Variants in TARS1 observed in about 807,000 individuals in gnomAD.
TARS1 encodes threonyl-tRNA synthetase 1.
TARS1 carries 57 observed loss-of-function variants against 97.7 expected under a neutral mutation model. That is an observed-to-expected ratio of 0.58 (90% CI 0.47 to 0.73). The LOEUF (loss-of-function observed/expected upper bound fraction) is 0.73, where lower values mean the gene tolerates loss of function less well. TARS1 is among the 30% of genes least tolerant of loss of function. The pLI is 0.00. For synonymous variants in TARS1, 312 were observed against 293.7 expected, an observed-to-expected ratio of 1.06 and a Z score of -0.64; for missense variants, 806 against 888.3, an observed-to-expected ratio of 0.91 and a Z score of 1.18.
chr5:33,466,922 C>G lies in TARS1; in HGVS notation c.1960C>G (p.Pro654Ala), dbSNP rs1203990658. Reference protein sequence around the residue: ...AKFMADIDLDPGCTLNKKIRN... With the variant: ...AKFMADIDLDAGCTLNKKIRN... ...ATTCATGGCAGACATTGATCTGGAT[C>G]CAGGCTGTACATTGAATAAAAAGAT... Residue 654 changes from proline to alanine, a missense_variant, in exon 18 of 19, where the codon CCA (proline) becomes GCA (alanine). Coordinates refer to ENST00000265112, the MANE Select transcript of TARS1 (RefSeq NM_152295.5). 2.5e-6 allele frequency: 4 copies of G among 1,605,710 alleles called. No individual in the cohort carries two copies. Among genetic ancestry groups the G allele is most frequent in the Non-Finnish European group, 3.4e-6 (4 of 1,176,378 alleles).
Position 33,453,360 on chromosome 5 carries a change from A to G in TARS1, c.401A>G (p.Glu134Gly). 6.2e-7 allele frequency: 1 copy of G among 1,612,828 alleles called. No individual in the cohort carries two copies. Among genetic ancestry groups the G allele is most frequent in the South Asian group, 1.1e-5 (1 of 90,996 alleles). ...NVVWDLDRPL[E>G]EDCTLELLKF... The stretch of plus-strand genomic sequence containing the variant: ...GTGTGGGACCTGGACCGCCCTCTGG[A>G]AGAAGATTGTACCTTGGAGCTTCTC... The change falls in exon 4 of 19, where the codon GAA becomes GGA. Residue 134 changes from glutamate to glycine, a missense_variant. Glu to Gly is a moderately conservative substitution (Grantham distance 98, BLOSUM62 -2). This residue lies in a region of TARS1 where 356 missense variants were observed against 357.8 expected (regional missense o/e 0.99). Transcript: ENST00000265112.
At chr5:33,461,808 GAA>G (rs1742306576) in intron 14 of TARS1, 64 bp downstream of exon 14, 3 of 1,593,614 alleles carry the variant, frequency 1.9e-6, no homozygotes, top group Non-Finnish European at 2.6e-6. Flanking sequence ...ATACGACTTC[GAA>G]AAAAGTTGGA....
rs375896160 is a variant in TARS1, at chr5:33,466,896, A to G, written c.1934A>G (p.Lys645Arg). 11 of 1,600,862 alleles carry G rather than the reference A, an allele frequency of 6.9e-6. No individual in the cohort carries two copies. The Admixed American group carries it at 6.9e-5, about 10-fold the overall frequency. The change falls in exon 18 of 19, where the codon AAA (lysine) becomes AGA (arginine). Residue 645 changes from lysine to arginine, a missense_variant. Coordinates refer to ENST00000265112, the MANE Select transcript of TARS1 (RefSeq NM_152295.5). ...GTACGACAACAATTCCACGATGCCA[A>G]ATTCATGGCAGACATTGATCTGGAT... ...QKVRQQFHDA[K>R]FMADIDLDPG...
intron 9 of TARS1, among the ~76,000 whole-genome samples, chr5:33,458,141 A>T (rs1381824217): frequency 6.6e-6 from 1 of 152,186 alleles, no homozygotes; most frequent in Non-Finnish European, 1.5e-5. Flanking sequence ...CATCTATTTC[A>T]TTATCAGTGT....
chr5:33,450,182 A>T (rs1741661695), intron 3 of TARS1, among the ~76,000 whole-genome samples: 1 of 152,084 alleles, frequency 6.6e-6, no homozygotes, highest in Non-Finnish European at 1.5e-5. Context: ...TAATTCCCTT[A>T]TTGTGTTATT....
In TARS1 at chr5:33,459,779, C is replaced by CAGCA; in HGVS notation, c.1169_1172dup (p.His391GlnfsTer11). 6.2e-7 allele frequency: 1 copy of CAGCA among 1,614,176 alleles called. No individual in the cohort carries two copies. The highest frequency in any genetic ancestry group is 8.5e-7 in the Non-Finnish European group (1 of 1,180,020). On this transcript the variant is annotated frameshift_variant, in exon 11 of 19. Transcript: ENST00000265112. LOFTEE classifies it high-confidence loss of function. ...ACTCTGGATGACCTCGGGCCACTGG[C>CAGCA]AGCACTACAGCGAGAACATGTTCTC...
chr5:33,453,173 T>C (rs1217504759), intron 3 of TARS1, 116 bp from the exon 4 acceptor site: 1 of 1,209,580 alleles, frequency 8.3e-7, no homozygotes, highest in Non-Finnish European at 1.1e-6. Flanking sequence ...AAAATAGAGA[T>C]ACATCAATAT....
intron 1 of TARS1, among the ~76,000 whole-genome samples, chr5:33,445,105 CGTTA>C (rs1483221740): frequency 2.0e-5 from 3 of 152,134 alleles, no homozygotes; most frequent in Non-Finnish European, 4.4e-5. Context: ...AGTTAAACAT[CGTTA>C]GTAACTCCTT....
At chr5:33,453,113 G>T (rs574261384) in intron 3 of TARS1, among the ~76,000 whole-genome samples, 176 bp from the exon 4 acceptor site, 2 of 151,930 alleles carry the variant, frequency 1.3e-5, no homozygotes, top group African/African-American at 4.8e-5. Flanking sequence ...TTCCAGTTAG[G>T]TTCTTAGGTA....
chr5:33,454,655 T>C (rs1222579115), intron 4 of TARS1, among the ~76,000 whole-genome samples: 1 of 152,244 alleles, frequency 6.6e-6, no homozygotes, highest in Non-Finnish European at 1.5e-5. Flanking sequence ...GCAGTTGTTT[T>C]CAGAGAACAA....
chr5:33,448,410 C>A, intron 2 of TARS1, 131 bp from the exon 3 acceptor site: 2 of 678,396 alleles, frequency 2.9e-6, no homozygotes, highest in Non-Finnish European at 2.2e-6. Flanking sequence ...GTGATTTTGG[C>A]AGTGTTTATT....
Position 33,467,648 on chromosome 5 carries a change from T to G in TARS1, c.2112T>G (p.Thr704=). 6.2e-7 allele frequency: 1 copy of G among 1,614,022 alleles called. No individual in the cohort carries two copies. The change falls in exon 19 of 19, where the codon ACT becomes ACG. Residue 704 remains threonine, a synonymous_variant. Transcript: ENST00000265112. ...KVHGERTISE[T]IERLQQLKEF... ...ACGGGGAACGCACCATTTCTGAAACTATCGAGCGGCTACAGCAGCTCAAAG... is the reference window on the plus strand; with the variant it reads ...ACGGGGAACGCACCATTTCTGAAACGATCGAGCGGCTACAGCAGCTCAAAG...
intron 4 of TARS1, 113 bp downstream of exon 4, chr5:33,453,525 T>A (rs1741858118): frequency 7.5e-7 from 1 of 1,338,938 alleles, no homozygotes. Flanking sequence ...TGTCTCACTG[T>A]CATATTTGAA....
chr5:33,455,685 C>G lies in TARS1; in HGVS notation c.674C>G (p.Thr225Ser). ...AFERLEVKKE[T>S]LLAMFKYNKF... ...GAAAGACTGGAAGTTAAGAAAGAAA[C>G]TTTACTGGCAATGTTTAAGGTAAAT... Residue 225 changes from threonine to serine, a missense_variant, in exon 6 of 19, where the codon ACT (threonine) becomes AGT (serine). Physicochemically the swap from Thr to Ser is moderately conservative, Grantham distance 58. Around this residue, in one of 3 missense-constraint regions of TARS1, gnomAD observed 356 missense variants for 357.8 expected, o/e 0.99. Transcript: ENST00000265112. 1 of 1,606,462 alleles carries G rather than the reference C, an allele frequency of 6.2e-7. No homozygotes were observed. The highest frequency in any genetic ancestry group is 8.5e-7 in the Non-Finnish European group (1 of 1,173,630).
At chr5:33,445,118 T>C (rs549238690) in intron 1 of TARS1, among the ~76,000 whole-genome samples, 3 of 152,260 alleles carry the variant, frequency 2.0e-5, no homozygotes, top group Non-Finnish European at 4.4e-5. Flanking sequence ...TAGTAACTCC[T>C]TCCTACTTTT....
At chr5:33,445,106 G>A (rs1009278602) in intron 1 of TARS1, among the ~76,000 whole-genome samples, 1 of 152,132 alleles carries the variant, frequency 6.6e-6, no homozygotes, top group African/African-American at 2.4e-5. Flanking sequence ...GTTAAACATC[G>A]TTAGTAACTC....
intron 3 of TARS1, chr5:33,452,352 C>A: frequency 6.5e-7 from 1 of 1,535,470 alleles, no homozygotes; most frequent in Non-Finnish European, 8.7e-7. Flanking sequence ...CACACAGCTT[C>A]CTGCAAAAAC....
At chr5:33,460,379 G>A (rs1037851714) in intron 11 of TARS1, among the ~76,000 whole-genome samples, 1 of 152,246 alleles carries the variant, frequency 6.6e-6, no homozygotes, top group Non-Finnish European at 1.5e-5. Flanking sequence ...AAATTACCTA[G>A]TGTGTTGTTG....
intron 2 of TARS1, among the ~76,000 whole-genome samples, chr5:33,446,998 T>C (rs1741450770): frequency 6.6e-6 from 1 of 152,044 alleles, no homozygotes; most frequent in Non-Finnish European, 1.5e-5. Context: ...ACAAAGATAT[T>C]AGGGCCTGAT....
Sources: allele counts gnomAD v4.1 joint callset (sites outside exome capture counted in the v4.1 genomes callset), GRCh38; gene constraint gnomAD v4.1.1; regional missense constraint gnomAD v4.1.1; transcripts MANE v1.5; gene names NCBI Gene and HGNC (gene_info 2026-07-23, HGNC 2026-07-21).